GALNT13: variants seen among roughly 807,000 people sequenced by gnomAD.
GALNT13 encodes the protein UDP-GalNAc:polypeptide N-acetylgalactosaminyltransferase 13.
GALNT13 carries 28 observed loss-of-function variants against 64.2 expected under a neutral mutation model. The observed-to-expected ratio is 0.44, with a 90% CI of 0.32 to 0.60. The LOEUF (loss-of-function observed/expected upper bound fraction) is 0.60. Among genes scored for constraint, GALNT13 ranks in the 20% least tolerant of loss-of-function variants. The pLI is 0.05. For synonymous variants in GALNT13, 214 were observed against 224.6 expected, an observed-to-expected ratio of 0.95 and a Z score of 0.42; for missense variants, 577 against 669.8, an observed-to-expected ratio of 0.86 and a Z score of 1.53.
At chr2:154,079,531 G>C (rs1701163242) in intron 3 of GALNT13, among the ~76,000 whole-genome samples, 4 of 151,552 alleles carry the variant, frequency 2.6e-5, no homozygotes, top group African/African-American at 9.7e-5. Flanking sequence ...GACCACACAG[G>C]CACCTTGGAG....
At chr2:153,331,403 A>G in the GALNT13 span, among the ~76,000 whole-genome samples, 1 of 151,714 alleles carries the variant, frequency 6.6e-6, no homozygotes, top group African/African-American at 2.4e-5. Flanking sequence ...TGTATTAGTC[A>G]GGGTTCTCTA....
At chr2:153,444,719 C>T in the GALNT13 span, among the ~76,000 whole-genome samples, 1 of 152,108 alleles carries the variant, frequency 6.6e-6, no homozygotes, top group African/African-American at 2.4e-5. Context: ...TTTTCTGCCT[C>T]CTTTAACAAA....
chr2:153,389,015 A>G, the GALNT13 span, among the ~76,000 whole-genome samples: 1 of 152,048 alleles, frequency 6.6e-6, no homozygotes, highest in African/African-American at 2.4e-5. Context: ...TAAGAAAATG[A>G]GTTAGATCTG....
intron 3 of GALNT13, among the ~76,000 whole-genome samples, chr2:154,022,311 C>T (rs1290038554): frequency 2.0e-5 from 3 of 152,062 alleles, no homozygotes; most frequent in Non-Finnish European, 2.9e-5. Flanking sequence ...TGGTAGAATT[C>T]GGCTGTGAAT....
chr2:153,487,772 G>A, the GALNT13 span, among the ~76,000 whole-genome samples: 1 of 152,174 alleles, frequency 6.6e-6, no homozygotes. Flanking sequence ...GTGCATGCAA[G>A]GAGTTCTGTA....
the GALNT13 span, among the ~76,000 whole-genome samples, chr2:153,721,611 G>A: frequency 4.6e-4 from 69 of 149,814 alleles, no homozygotes; most frequent in African/African-American, 1.7e-3. Flanking sequence ...AAAGGATGGA[G>A]GAAGATCTAC....
the GALNT13 span, among the ~76,000 whole-genome samples, chr2:153,801,015 T>A: frequency 2.6e-5 from 4 of 152,178 alleles, no homozygotes; most frequent in African/African-American, 9.6e-5. Context: ...TTAAATCTCA[T>A]GAACCAATCT....
At chr2:153,355,633 A>G in the GALNT13 span, among the ~76,000 whole-genome samples, 22 of 152,216 alleles carry the variant, frequency 1.4e-4, no homozygotes, top group African/African-American at 5.3e-4. Flanking sequence ...TCCAGTTACT[A>G]AGAATTTGGC....
chr2:153,423,970 A>C, the GALNT13 span, among the ~76,000 whole-genome samples: 4 of 151,498 alleles, frequency 2.6e-5, no homozygotes, highest in Non-Finnish European at 4.4e-5. Context: ...AAAAACAAAA[A>C]TGATAATGGT....
intron 3 of GALNT13, among the ~76,000 whole-genome samples, chr2:154,072,385 T>C (rs1030054369): frequency 1.3e-5 from 2 of 152,152 alleles, no homozygotes; most frequent in Admixed American, 6.6e-5. Flanking sequence ...TCTGAATTCT[T>C]TATAATTATG....
chr2:154,321,116 C>A (rs1446757782), intron 9 of GALNT13, among the ~76,000 whole-genome samples: 1 of 151,944 alleles, frequency 6.6e-6, no homozygotes, highest in Non-Finnish European at 1.5e-5. Context: ...AGAGGGGATA[C>A]AAGGATCTGC....
chr2:153,302,415 GT>G, the GALNT13 span, among the ~76,000 whole-genome samples: 3 of 151,574 alleles, frequency 2.0e-5, no homozygotes, highest in African/African-American at 4.8e-5. Context: ...TTTTGTTTTT[GT>G]TTTTTTACTA....
intron 9 of GALNT13, among the ~76,000 whole-genome samples, chr2:154,301,896 AT>A (rs1189382415): frequency 6.6e-6 from 1 of 152,096 alleles, no homozygotes; most frequent in African/African-American, 2.4e-5. Context: ...ATTTTTAAAA[AT>A]ATTTTAGTAG....
At chr2:153,834,232 C>T in the GALNT13 span, among the ~76,000 whole-genome samples, 1 of 152,076 alleles carries the variant, frequency 6.6e-6, no homozygotes, top group African/African-American at 2.4e-5. Flanking sequence ...ACAGGCTGGA[C>T]ACCATGCTAA....
At chr2:154,449,591 G>A (rs707078) in intron 12 of GALNT13, among the ~76,000 whole-genome samples, 12,365 of 151,326 alleles carry the variant, frequency 0.082, 571 homozygotes, top group South Asian at 0.17. Context: ...TATGATCCTA[G>A]GTATTGCCCA....
At chr2:153,323,192 A>G in the GALNT13 span, among the ~76,000 whole-genome samples, 1 of 152,110 alleles carries the variant, frequency 6.6e-6, no homozygotes, top group African/African-American at 2.4e-5. Context: ...TTGCCACTCT[A>G]ACTGGCATGA....
At chr2:153,216,174 A>T in the GALNT13 span, among the ~76,000 whole-genome samples, 1 of 152,098 alleles carries the variant, frequency 6.6e-6, no homozygotes, top group East Asian at 1.9e-4. Context: ...TTTTGTATCA[A>T]TGAGTAATAT....
chr2:154,207,931 G>T (rs1408908471), intron 4 of GALNT13, among the ~76,000 whole-genome samples: 1 of 152,162 alleles, frequency 6.6e-6, no homozygotes, highest in African/African-American at 2.4e-5. Flanking sequence ...CTTTGGAATA[G>T]GACTTTTCAA....
At chr2:153,181,026 G>GTTTTTTTTTTTTTTTT in the GALNT13 span, among the ~76,000 whole-genome samples, 1 of 24,780 alleles carries the variant, frequency 4.0e-5, no homozygotes, top group African/African-American at 1.7e-4. Flanking sequence ...GGTTTTTATT[G>GTTTTTTTTTTTTTTTT]TTTCTTTTTT....
Sources: allele counts gnomAD v4.1 joint callset (sites outside exome capture counted in the v4.1 genomes callset), GRCh38; gene constraint gnomAD v4.1.1; transcripts MANE v1.5; gene names NCBI Gene and HGNC (gene_info 2026-07-23, HGNC 2026-07-21).